The following GALNT18 variants were observed in gnomAD, a reference collection of about 807,000 sequenced individuals.
The protein encoded by GALNT18 is polypeptide N-acetylgalactosaminyltransferase 18, also known as GalNAc-transferase 18.
GALNT18 carries 44 observed loss-of-function variants against 69.5 expected under a neutral mutation model. That is an observed-to-expected ratio of 0.63 (90% CI 0.50 to 0.81). The LOEUF (loss-of-function observed/expected upper bound fraction) is 0.81, where lower values mean the gene tolerates loss of function less well. GALNT18 is among the 40% of genes least tolerant of loss of function. GALNT18 has a pLI of 0.00. For missense variants in GALNT18, 715 were observed against 810.0 expected (o/e 0.88, Z 1.42); for synonymous variants, 364 against 318.2 (o/e 1.14, Z -1.53).
intron 3 of GALNT18, among the ~76,000 whole-genome samples, chr11:11,424,955 C>T (rs532448638): frequency 4.2e-4 from 64 of 152,246 alleles, no homozygotes; most frequent in African/African-American, 1.4e-3. Flanking sequence ...CTGGACAAAG[C>T]GATGAGACTG....
chr11:11,495,654 A>G (rs547882019), intron 1 of GALNT18, among the ~76,000 whole-genome samples: 1 of 152,362 alleles, frequency 6.6e-6, no homozygotes, highest in South Asian at 2.1e-4. Flanking sequence ...ACACCCAGAA[A>G]GAGAAGACCA....
intron 7 of GALNT18, among the ~76,000 whole-genome samples, chr11:11,336,504 T>TTATTGTATTAACATGTAAGTC (rs1850116872): frequency 6.6e-6 from 1 of 152,162 alleles, no homozygotes; most frequent in Non-Finnish European, 1.5e-5. Flanking sequence ...ATCAAAGTCT[T>TTATTGTATTAACATGTAAGTC]TACATGTATT....
At chr11:11,274,456 C>G (rs1848895300) in intron 10 of GALNT18, among the ~76,000 whole-genome samples, 1 of 152,226 alleles carries the variant, frequency 6.6e-6, no homozygotes, top group Admixed American at 6.5e-5. Context: ...GAAATTCTCG[C>G]TGCTAGGACA....
At chr11:11,361,436 T>C (rs115217899) in intron 6 of GALNT18, among the ~76,000 whole-genome samples, 207 of 152,328 alleles carry the variant, frequency 1.4e-3, no homozygotes, top group African/African-American at 4.7e-3. Flanking sequence ...AATTAATACA[T>C]GTAAAGCACT....
In GALNT18 at chr11:11,621,327, A is replaced by G. The variant is rs562364531; in HGVS notation, c.235+32T>C. ...GCCGCGCGGGGCACTCCCGGGCCTC[A>G]TGGGCGACCCAAGTTTCCGGGGCGC... On this transcript the variant is annotated intron_variant, in intron 1 of 10. Coordinates refer to ENST00000227756, the MANE Select transcript of GALNT18 (RefSeq NM_198516.3). The surrounding 1 kb of genome is among the most constrained non-coding windows in gnomAD (Gnocchi z 9.3). 1.3e-6 allele frequency: 2 copies of G among 1,593,588 alleles called. No individual in the cohort carries two copies. The highest frequency in any genetic ancestry group is 1.3e-5 in the African/African-American group (1 of 74,536).
chr11:11,537,063 C>G (rs1193311858), intron 1 of GALNT18, among the ~76,000 whole-genome samples: 1 of 152,176 alleles, frequency 6.6e-6, no homozygotes, highest in African/African-American at 2.4e-5. Flanking sequence ...ATACTGCTCA[C>G]TATGGATCAG....
chr11:11,577,853 A>T (rs11021943), intron 1 of GALNT18, among the ~76,000 whole-genome samples: 7,602 of 152,256 alleles, frequency 0.05, 630 homozygotes, highest in African/African-American at 0.17. Context: ...GGTGTGGCCA[A>T]GGCTTCCAGG....
At chr11:11,434,923 C>T (rs576005744) in intron 2 of GALNT18, among the ~76,000 whole-genome samples, 7 of 152,290 alleles carry the variant, frequency 4.6e-5, no homozygotes, top group African/African-American at 1.7e-4. Context: ...GAGATCAAGA[C>T]CAGCAGTTGG....
intron 2 of GALNT18, among the ~76,000 whole-genome samples, chr11:11,443,228 C>T: frequency 6.6e-6 from 1 of 152,176 alleles, no homozygotes; most frequent in East Asian, 1.9e-4. Flanking sequence ...GGCTGGCTCA[C>T]TTCAACCCTG....
chr11:11,287,278 A>C (rs561567970), intron 10 of GALNT18, among the ~76,000 whole-genome samples: 1 of 152,340 alleles, frequency 6.6e-6, no homozygotes, highest in African/African-American at 2.4e-5. Context: ...GGGAGCTTGG[A>C]GGACCACATC....
At chr11:11,524,258 A>T (rs1437024339) in intron 1 of GALNT18, among the ~76,000 whole-genome samples, 1 of 152,182 alleles carries the variant, frequency 6.6e-6, no homozygotes, top group Non-Finnish European at 1.5e-5. Flanking sequence ...AAATGAGGAA[A>T]TTGGAGTTCT....
chr11:11,490,223 T>TAACA (rs1856734424), intron 1 of GALNT18, among the ~76,000 whole-genome samples: 3 of 77,662 alleles, frequency 3.9e-5, no homozygotes, highest in South Asian at 4.4e-4. Flanking sequence ...TCTCTCTCTC[T>TAACA]CTCTCTCTCT....
chr11:11,308,551 C>A (rs1217862203), intron 9 of GALNT18, among the ~76,000 whole-genome samples: 4 of 152,074 alleles, frequency 2.6e-5, no homozygotes, highest in African/African-American at 9.7e-5. Flanking sequence ...CCTTTCCCAC[C>A]AAACAAGGCT....
intron 3 of GALNT18, among the ~76,000 whole-genome samples, chr11:11,412,333 C>G (rs187253440): frequency 6.6e-6 from 1 of 152,192 alleles, no homozygotes; most frequent in Non-Finnish European, 1.5e-5. Context: ...AGAGATGGAA[C>G]CTTACCCTTG....
At position 11,562,894 on chromosome 11, in the gene GALNT18, A is replaced by G. The variant is rs1197050770; in HGVS notation, c.235+58465T>C. On this transcript the variant is annotated intron_variant, in intron 1 of 10. Coordinates refer to ENST00000227756, the MANE Select transcript of GALNT18 (RefSeq NM_198516.3). The surrounding 1 kb of genome is among the most constrained non-coding windows in gnomAD (Gnocchi z 4.1). Reference sequence around the variant, plus strand: ...CTCGAGGCCTGGGCTTTCCCTTCCCATCACCCTGCCTCAGGCTTCATTCAG... The same window carrying G: ...CTCGAGGCCTGGGCTTTCCCTTCCCGTCACCCTGCCTCAGGCTTCATTCAG... Among the ~76,000 whole-genome samples the G allele has an allele frequency of 1.3e-5, 2 of 152,022 alleles. No homozygotes were observed. Among genetic ancestry groups the G allele is most frequent in the African/African-American group, 4.8e-5 (2 of 41,392 alleles).
At chr11:11,437,631 C>T (rs1479442526) in intron 2 of GALNT18, among the ~76,000 whole-genome samples, 1 of 151,882 alleles carries the variant, frequency 6.6e-6, no homozygotes, top group Non-Finnish European at 1.5e-5. Context: ...GGGCGGTGGC[C>T]AAACCTCATG....
At chr11:11,371,752 T>C (rs1850911769) in intron 6 of GALNT18, among the ~76,000 whole-genome samples, 1 of 152,132 alleles carries the variant, frequency 6.6e-6, no homozygotes, top group Non-Finnish European at 1.5e-5. Flanking sequence ...CATCATCACA[T>C]TCCTGCCTAA....
At chr11:11,607,043 G>A (rs1859774001) in intron 1 of GALNT18, among the ~76,000 whole-genome samples, 1 of 152,198 alleles carries the variant, frequency 6.6e-6, no homozygotes, top group Non-Finnish European at 1.5e-5. Context: ...GTTGATATGT[G>A]AGGAAAGAGA....
chr11:11,307,576 C>T (rs921924275), intron 9 of GALNT18, among the ~76,000 whole-genome samples: 2 of 152,300 alleles, frequency 1.3e-5, no homozygotes, highest in South Asian at 2.1e-4. Context: ...AAGCCCACCT[C>T]AACCATCACA....
Sources: allele counts gnomAD v4.1 joint callset (sites outside exome capture counted in the v4.1 genomes callset), GRCh38; gene constraint gnomAD v4.1.1; non-coding constraint Gnocchi (gnomAD v3.1); transcripts MANE v1.5; gene names NCBI Gene and HGNC (gene_info 2026-07-23, HGNC 2026-07-21).